The following GNB5 variants were observed in gnomAD, a reference collection of about 807,000 sequenced individuals.
The protein encoded by GNB5 is guanine nucleotide-binding protein subunit beta-5.
GNB5 carries 37 observed loss-of-function variants against 55.3 expected under a neutral mutation model. The ratio of observed to expected loss-of-function variants is 0.67; its 90% CI spans 0.51 to 0.88. The LOEUF (loss-of-function observed/expected upper bound fraction) is 0.88, where lower values mean the gene tolerates loss of function less well. Among genes scored for constraint, GNB5 ranks in the 40% least tolerant of loss-of-function variants. The pLI, the probability that GNB5 is intolerant of heterozygous loss-of-function variation, is 0.00. For synonymous variants in GNB5, 219 were observed against 198.5 expected (o/e 1.10, Z -0.87); for missense variants, 476 against 515.3 (o/e 0.92, Z 0.74).
At chr15:52,123,806 G>C (rs545125880) in intron 12 of GNB5, among the ~76,000 whole-genome samples, 1 of 152,100 alleles carries the variant, frequency 6.6e-6, no homozygotes, top group Non-Finnish European at 1.5e-5. Flanking sequence ...GCCTCCCAAA[G>C]TGCTACAATT....
At chr15:52,169,274 C>T (rs759900654) in intron 3 of GNB5, among the ~76,000 whole-genome samples, 2 of 151,894 alleles carry the variant, frequency 1.3e-5, no homozygotes, top group Non-Finnish European at 2.9e-5. Context: ...GAGCCGAGAT[C>T]GCACCACTGC....
chr15:52,144,630 A>G (rs758736565), intron 6 of GNB5, among the ~76,000 whole-genome samples: 10 of 152,088 alleles, frequency 6.6e-5, no homozygotes, highest in Non-Finnish European at 1.3e-4. Context: ...GTGATTTATG[A>G]TGGGGGCTTT....
intron 7 of GNB5, chr15:52,136,854 G>A (rs940645840): frequency 5.5e-6 from 2 of 365,938 alleles, no homozygotes; most frequent in South Asian, 2.1e-5. Flanking sequence ...AACAATTCTG[G>A]GACCAGGCCA....
chr15:52,141,086 T>A, intron 7 of GNB5, 54 bp downstream of exon 7: 4 of 1,557,068 alleles, frequency 2.6e-6, no homozygotes, highest in Non-Finnish European at 3.5e-6. Context: ...TCCTCTCAGC[T>A]CCTCTTTAGT....
chr15:52,137,821 G>A, intron 7 of GNB5: 7 of 1,279,694 alleles, frequency 5.5e-6, no homozygotes, highest in Non-Finnish European at 7.1e-6. Flanking sequence ...GACCTGCAAG[G>A]GAGAAGCTCT....
In GNB5 at chr15:52,156,632, G is replaced by A. The variant is rs566487448; in HGVS notation, c.239-2556C>T. ...TGTGGTCCCAGTTACTTGGGAGGCC[G>A]AGGTGGGAGAACTGCTTGAGCCCGG... On this transcript the variant is annotated intron_variant, in intron 3 of 12. Transcript: ENST00000261837. Among the ~76,000 whole-genome samples, 69 of 152,278 alleles carry A rather than the reference G, an allele frequency of 4.5e-4. 1 individual carries two copies. In the South Asian group the frequency reaches 0.012, roughly 26 times the overall value.
rs1032084516 is a variant in GNB5, at chr15:52,180,023, G to C, written c.127-144C>G. On this transcript the variant is annotated intron_variant, in intron 2 of 12. Transcript: ENST00000261837. ...CGATGACGCCAGCAGCTGCGGGCCC[G>C]GCTGCTGCGCCTGAGCCCCAAGACC... 111 of 1,084,710 alleles carry C rather than the reference G, an allele frequency of 1.0e-4. 1 individual carries two copies. Among genetic ancestry groups the C allele is most frequent in the Admixed American group, 6.8e-4 (15 of 21,942 alleles). 67.2% of individuals were successfully genotyped at this position (1,084,710 alleles called of 1,614,324 possible).
intron 7 of GNB5, among the ~76,000 whole-genome samples, 155 bp downstream of exon 7, chr15:52,140,979 AAATAAT>A (rs1392477910): frequency 6.6e-6 from 1 of 152,208 alleles, no homozygotes; most frequent in Non-Finnish European, 1.5e-5. Flanking sequence ...CATGTTATTA[AAATAAT>A]AATAACTAAT....
In GNB5 at chr15:52,118,516, C is replaced by CAATA. The variant is rs1381486335; in HGVS notation, c.*4237_*4240dup. On this transcript the variant is annotated 3_prime_UTR_variant, in exon 13 of 13. Transcript: ENST00000261837. The stretch of plus-strand genomic sequence containing the variant: ...TTTTTCTCAGTCTTAATTTCTAATA[C>CAATA]AATAAATATGGATAGATACAATCCA... The CAATA allele has an allele frequency of 6.6e-6, 1 of 152,006 alleles. No individual in the cohort carries two copies. The highest frequency in any genetic ancestry group is 1.5e-5 in the Non-Finnish European group (1 of 68,024). 9.4% of individuals were successfully genotyped at this position (152,006 alleles called of 1,614,324 possible).
intron 12 of GNB5, among the ~76,000 whole-genome samples, chr15:52,124,125 TAGG>T (rs1479553652): frequency 6.6e-6 from 1 of 151,782 alleles, no homozygotes; most frequent in African/African-American, 2.4e-5. Flanking sequence ...CCCTATACTA[TAGG>T]AGGAGAGACT....
intron 5 of GNB5, 58 bp downstream of exon 5, chr15:52,149,826 C>T: frequency 1.5e-6 from 2 of 1,319,136 alleles, no homozygotes. Context: ...GACCAGAGCA[C>T]CTTTAAGTAG....
intron 3 of GNB5, among the ~76,000 whole-genome samples, chr15:52,168,960 A>G (rs976617383): frequency 2.0e-5 from 3 of 152,224 alleles, no homozygotes; most frequent in Non-Finnish European, 2.9e-5. Flanking sequence ...ACCTTATACA[A>G]AAATTAATGC....
At chr15:52,179,324 C>T (rs1017763495) in intron 3 of GNB5, among the ~76,000 whole-genome samples, 1 of 152,094 alleles carries the variant, frequency 6.6e-6, no homozygotes, top group Non-Finnish European at 1.5e-5. Flanking sequence ...AGAAAAGATA[C>T]AACAGTGATG....
At chr15:52,165,778 A>T (rs918961223) in intron 3 of GNB5, among the ~76,000 whole-genome samples, 1 of 152,192 alleles carries the variant, frequency 6.6e-6, no homozygotes, top group African/African-American at 2.4e-5. Flanking sequence ...TGAAGCACCT[A>T]CACAAACAAG....
At chr15:52,166,359 A>G (rs1461545132) in intron 3 of GNB5, among the ~76,000 whole-genome samples, 2 of 152,192 alleles carry the variant, frequency 1.3e-5, no homozygotes, top group African/African-American at 4.8e-5. Flanking sequence ...ATATCTACAG[A>G]ATTCTCCATC....
In GNB5 at chr15:52,163,975, A is replaced by G. The variant is rs552608443; in HGVS notation, c.239-9899T>C. Reference sequence around the variant, plus strand: ...AGGGTCTGGAGTGGACCCCCAGCAAACCGCAGCAGCCCTGTGGAGGAGAGG... The same window carrying G: ...AGGGTCTGGAGTGGACCCCCAGCAAGCCGCAGCAGCCCTGTGGAGGAGAGG... On this transcript the variant is annotated intron_variant, in intron 3 of 12. Transcript: ENST00000261837. 1.1e-4 allele frequency among the ~76,000 whole-genome samples: 16 copies of G among 152,078 alleles called. No homozygotes were observed. The South Asian group carries it at 2.9e-3, about 28-fold the overall frequency.
chr15:52,146,106 G>A (rs925307092), intron 6 of GNB5, among the ~76,000 whole-genome samples: 1 of 151,804 alleles, frequency 6.6e-6, no homozygotes, highest in South Asian at 2.1e-4. Flanking sequence ...ACAGGCACCC[G>A]CCACCGTGCC....
rs1555405420 is a variant in GNB5 at position 52,135,893 on chromosome 15, A to ACC, written c.628-139_628-138dup. The ACC allele has an allele frequency of 9.6e-4, 647 of 672,104 alleles. 3 individuals are homozygous for ACC. The highest frequency in any genetic ancestry group is 3.5e-3 in the South Asian group (198 of 56,030). The allele number at this position is 672,104 out of a possible 1,614,324, so 41.6% of individuals were successfully genotyped here. ...CACACACACACACACACACACACAC[A>ACC]CCCTACCTGCTGTATCTGGGTTCAT... On this transcript the variant is annotated intron_variant, in intron 7 of 12. Coordinates refer to ENST00000261837, the MANE Select transcript of GNB5 (RefSeq NM_016194.4).
At chr15:52,151,524 G>C (rs2034096657) in intron 4 of GNB5, among the ~76,000 whole-genome samples, 1 of 152,170 alleles carries the variant, frequency 6.6e-6, no homozygotes, top group Non-Finnish European at 1.5e-5. Flanking sequence ...TAAGCAGGAA[G>C]GCTGTTGATG....
Sources: allele counts gnomAD v4.1 joint callset (sites outside exome capture counted in the v4.1 genomes callset), GRCh38; gene constraint gnomAD v4.1.1; transcripts MANE v1.5; gene names NCBI Gene and HGNC (gene_info 2026-07-23, HGNC 2026-07-21).